XAGE3: variants seen among roughly 807,000 people sequenced by gnomAD.
XAGE3 encodes the protein CT12.3.
Under a neutral mutation model 9.2 loss-of-function variants are expected in XAGE3, and 6 were observed. The ratio of observed to expected loss-of-function variants is 0.65; its 90% CI spans 0.36 to 1.29. XAGE3 has a LOEUF of 1.29. Ranked by LOEUF, XAGE3 falls within the 50% of genes most tolerant of loss-of-function variation. The probability of loss-of-function intolerance (pLI) is 0.03; values close to 1 mark genes in which losing one functional copy is unlikely to be tolerated. For synonymous variants in XAGE3, 26 were observed against 28.2 expected (o/e 0.92, Z 0.25); for missense variants, 70 against 82.8 (o/e 0.85, Z 0.60).
intron 4 of XAGE3, among the ~76,000 whole-genome samples, chrX:52,863,972 A>G (rs1927822784): frequency 8.9e-6 from 1 of 111,824 alleles, no homozygotes; most frequent in African/African-American, 3.2e-5. Flanking sequence ...TAAGAATACA[A>G]TTGAGGATTG....
chrX:52,865,405 G>A (rs368440654), intron 3 of XAGE3, among the ~76,000 whole-genome samples: 2 of 110,542 alleles, frequency 1.8e-5, no homozygotes, highest in African/African-American at 3.3e-5. Flanking sequence ...CAGCAAAATC[G>A]CTGTCTTCCA....
At chrX:52,867,248 A>T in intron 1 of XAGE3, 107 bp from the exon 2 acceptor site, 1 of 689,144 alleles carries the variant, frequency 1.5e-6, no homozygotes, top group Non-Finnish European at 2.2e-6. Context: ...GTTTGTAAAT[A>T]CTTTCGAACT....
rs782539796 is a variant in XAGE3, at chrX:52,866,226, G to A, written c.187+207C>T. Among the ~76,000 whole-genome samples the A allele has an allele frequency of 1.1e-4, 12 of 111,965 alleles. No individual in the cohort carries two copies. The South Asian group carries it at 3.7e-3, about 35-fold the overall frequency. On this transcript the variant is annotated intron_variant, in intron 3 of 4. Coordinates refer to ENST00000346279, the MANE Select transcript of XAGE3 (RefSeq NM_133179.3). Reference sequence around the variant, plus strand: ...GCAAGGACTGTATTTTCAAGCATACGAAATATATTTCAAAGGTAAGAGAAG... The same window carrying A: ...GCAAGGACTGTATTTTCAAGCATACAAAATATATTTCAAAGGTAAGAGAAG...
rs1358249809 is a variant in XAGE3 at position 52,868,013 on chromosome X, G to A, written c.-16C>T. Reference sequence around the variant, plus strand: ...ACTGGCCTGCGGACCTACCAGCTGCGTCTCAGTGGGACAGAAAAAGTCCAG... The same window carrying A: ...ACTGGCCTGCGGACCTACCAGCTGCATCTCAGTGGGACAGAAAAAGTCCAG... On this transcript the variant is annotated 5_prime_UTR_variant, in exon 1 of 5. It adds an upstream start codon to the 5' untranslated region. Transcript: ENST00000346279. The A allele has an allele frequency of 9.0e-6, 1 of 111,042 alleles. No homozygotes were observed. Among genetic ancestry groups the A allele is most frequent in the African/African-American group, 3.3e-5 (1 of 30,467 alleles). The allele number at this position is 111,042 out of a possible 1,213,427, so 9.2% of individuals were successfully genotyped here.
chrX:52,867,235 A>G, intron 1 of XAGE3, 94 bp from the exon 2 acceptor site: 1 of 775,562 alleles, frequency 1.3e-6, no homozygotes, highest in Non-Finnish European at 1.9e-6. Flanking sequence ...TCATTTTTTA[A>G]AAGTTTGTAA....
chrX:52,864,747 A>C (rs1556784186), intron 4 of XAGE3, 28 bp downstream of exon 4: 2 of 1,207,231 alleles, frequency 1.7e-6, no homozygotes, highest in Admixed American at 4.4e-5. Context: ...TGTGGAAAAC[A>C]GAAAGCACAT....
intron 4 of XAGE3, among the ~76,000 whole-genome samples, chrX:52,863,203 C>T (rs1188640799): frequency 1.8e-5 from 2 of 111,913 alleles, no homozygotes; most frequent in African/African-American, 6.5e-5. Context: ...CTAGTTCATC[C>T]TTCTGTGGTC....
intron 4 of XAGE3, among the ~76,000 whole-genome samples, chrX:52,863,911 C>T (rs1376317852): frequency 2.7e-5 from 3 of 111,371 alleles, no homozygotes; most frequent in Admixed American, 9.6e-5. Context: ...TTTCCTTTCT[C>T]GTGTAATTTT....
intron 3 of XAGE3, 121 bp from the exon 4 acceptor site, chrX:52,865,021 G>A: frequency 4.6e-6 from 4 of 869,183 alleles, no homozygotes; most frequent in Non-Finnish European, 6.4e-6. Flanking sequence ...GGTAATAAAT[G>A]TGATGCAAAG....
intron 1 of XAGE3, among the ~76,000 whole-genome samples, chrX:52,867,676 C>T (rs1298276629): frequency 9.0e-6 from 1 of 110,755 alleles, no homozygotes; most frequent in African/African-American, 3.3e-5. Flanking sequence ...TTAATGCCCA[C>T]CCTGCTCCTT....
intron 4 of XAGE3, 123 bp from the exon 5 acceptor site, chrX:52,862,763 G>C (rs185441191): frequency 1.2e-3 from 1,034 of 853,761 alleles, no homozygotes; most frequent in Non-Finnish European, 1.3e-3. Flanking sequence ...AAGCCTAAGA[G>C]TAACCTGATG....
Position 52,864,144 on chromosome X carries a change from G to A in XAGE3, c.313+631C>T, listed in dbSNP as rs782079704. On this transcript the variant is annotated intron_variant, in intron 4 of 4. Transcript: ENST00000346279. Reference sequence around the variant, plus strand: ...CTTCTGATTAACAGTCATCAATTTGGAAAATATGTGGAAAAGATACTTTCA... The same window carrying A: ...CTTCTGATTAACAGTCATCAATTTGAAAAATATGTGGAAAAGATACTTTCA... 1.2e-4 allele frequency among the ~76,000 whole-genome samples: 13 copies of A among 112,120 alleles called. No individual in the cohort carries two copies. The South Asian group carries it at 4.8e-3, about 41-fold the overall frequency.
intron 4 of XAGE3, among the ~76,000 whole-genome samples, chrX:52,863,225 G>A (rs1556784007): frequency 8.9e-6 from 1 of 111,939 alleles, no homozygotes; most frequent in African/African-American, 3.2e-5. Flanking sequence ...TTAAGGTACG[G>A]TAACCATTTG....
intron 4 of XAGE3, among the ~76,000 whole-genome samples, chrX:52,864,468 G>A (rs1439715224): frequency 1.8e-5 from 2 of 112,102 alleles, no homozygotes; most frequent in Non-Finnish European, 3.8e-5. Flanking sequence ...CACACAAAGT[G>A]GTATTACAAA....
intron 3 of XAGE3, among the ~76,000 whole-genome samples, 188 bp downstream of exon 3, chrX:52,866,245 A>G (rs1282277305): frequency 8.9e-6 from 1 of 112,331 alleles, no homozygotes; most frequent in Non-Finnish European, 1.9e-5. Context: ...TTCAAAGGTA[A>G]GAGAAGATTC....
chrX:52,864,647 G>A lies in XAGE3; in HGVS notation c.313+128C>T, dbSNP rs190745541. 11 of 867,257 alleles carry A rather than the reference G, an allele frequency of 1.3e-5. No homozygotes were observed. The East Asian group carries it at 3.3e-4, about 26-fold the overall frequency. The allele number at this position is 867,257 out of a possible 1,213,427, so 71.5% of individuals were successfully genotyped here. ...TTAAGTCTTACAGTCAGGCAATTGG[G>A]GTCTGAACAACCTTTCAAAAAAAGT... On this transcript the variant is annotated intron_variant, in intron 4 of 4. Transcript: ENST00000346279.
intron 3 of XAGE3, 125 bp from the exon 4 acceptor site, chrX:52,865,025 T>A (rs1418015538): frequency 1.9e-5 from 16 of 838,155 alleles, no homozygotes; most frequent in Non-Finnish European, 2.5e-5. Context: ...ATAAATGTGA[T>A]GCAAAGATGT....
chrX:52,867,085 C>T lies in XAGE3; in HGVS notation c.49G>A (p.Val17Ile). The change falls in exon 2 of 5, where the codon GTA becomes ATA. Residue 17 changes from valine (V) to isoleucine (I), a missense_variant. Transcript: ENST00000346279. ...STYRPRPRRS[V>I]PPPELIGPML... ...GGCCCAATCAGCTCAGGAGGTGGTA[C>T]ACTTCTCCTCGGCCTAGGCCTATAT... The T allele has an allele frequency of 1.7e-6, 2 of 1,211,924 alleles. No individual in the cohort carries two copies. The highest frequency in any genetic ancestry group is 2.2e-6 in the Non-Finnish European group (2 of 895,366).
chrX:52,862,738 C>A, intron 4 of XAGE3, 98 bp from the exon 5 acceptor site: 5 of 1,067,017 alleles, frequency 4.7e-6, no homozygotes, highest in Non-Finnish European at 6.4e-6. Context: ...GGTTTTATAC[C>A]GTGGATTAAA....
Sources: gnomAD v4.1 joint callset for allele counts (sites outside exome capture counted in the v4.1 genomes callset) on GRCh38, gnomAD v4.1.1 for gene constraint, MANE v1.5 for transcripts, NCBI Gene and HGNC (gene_info 2026-07-23, HGNC 2026-07-21) for gene names.